The following SLC44A5 variants were observed in gnomAD, a reference collection of about 807,000 sequenced individuals.
SLC44A5 encodes the protein solute carrier family 44 member 5, also known as choline transporter-like protein 5.
Under a neutral mutation model 101.8 loss-of-function variants are expected in SLC44A5, and 57 were observed. The observed-to-expected ratio is 0.56, with a 90% CI of 0.45 to 0.70. The LOEUF (loss-of-function observed/expected upper bound fraction) is 0.70, where lower values mean the gene tolerates loss of function less well. Ranked by LOEUF, SLC44A5 falls within the 30% of genes least tolerant of loss-of-function variation. The pLI is 0.00. For synonymous variants in SLC44A5, 281 were observed against 290.9 expected (o/e 0.97, Z 0.35); for missense variants, 737 against 853.1 (o/e 0.86, Z 1.70).
At chr1:75,545,008 GC>G (rs1031408507) in intron 1 of SLC44A5, among the ~76,000 whole-genome samples, 7 of 151,528 alleles carry the variant, frequency 4.6e-5, no homozygotes, top group East Asian at 3.9e-4. Context: ...CCGTCCCCTA[GC>G]CCCCCACCCT....
the SLC44A5 span, among the ~76,000 whole-genome samples, chr1:75,689,199 G>A: frequency 6.6e-6 from 1 of 152,140 alleles, no homozygotes; most frequent in Non-Finnish European, 1.5e-5. Context: ...CTAGAAAATT[G>A]AGCCATATTC....
intron 2 of SLC44A5, among the ~76,000 whole-genome samples, chr1:75,472,358 C>T (rs533479938): frequency 1.3e-5 from 2 of 151,976 alleles, no homozygotes; most frequent in East Asian, 3.9e-4. Context: ...GATGTGGTAC[C>T]CATTCTGCAA....
intron 2 of SLC44A5, among the ~76,000 whole-genome samples, chr1:75,422,783 T>G (rs1664087241): frequency 6.6e-6 from 1 of 152,190 alleles, no homozygotes. Flanking sequence ...TGTGAATCTT[T>G]CCAGGAGGAC....
At chr1:75,390,882 T>C (rs989952706) in intron 3 of SLC44A5, among the ~76,000 whole-genome samples, 2 of 152,020 alleles carry the variant, frequency 1.3e-5, no homozygotes, top group Non-Finnish European at 2.9e-5. Flanking sequence ...CGGATCTAAA[T>C]AGGAAAAGAA....
chr1:75,234,991 A>G (rs1647943672), intron 11 of SLC44A5, among the ~76,000 whole-genome samples: 1 of 152,100 alleles, frequency 6.6e-6, no homozygotes, highest in Non-Finnish European at 1.5e-5. Flanking sequence ...AGCAACAGAC[A>G]GAGTGTAGTA....
chr1:75,647,508 G>A, the SLC44A5 span, among the ~76,000 whole-genome samples: 10 of 152,278 alleles, frequency 6.6e-5, no homozygotes, highest in South Asian at 1.9e-3. Context: ...CAAAATGGTA[G>A]ATCCACTGAC....
At chr1:75,716,002 A>G in the SLC44A5 span, among the ~76,000 whole-genome samples, 1 of 152,232 alleles carries the variant, frequency 6.6e-6, no homozygotes, top group Non-Finnish European at 1.5e-5. Flanking sequence ...TAAGCAAAAG[A>G]CATGAACAGA....
intron 6 of SLC44A5, among the ~76,000 whole-genome samples, chr1:75,252,781 G>A (rs1282413002): frequency 6.6e-6 from 1 of 152,176 alleles, no homozygotes; most frequent in Non-Finnish European, 1.5e-5. Context: ...GGCAGAAAGA[G>A]GGCAGCAGTA....
chr1:75,497,958 A>G (rs1338122799), intron 2 of SLC44A5, among the ~76,000 whole-genome samples: 1 of 152,104 alleles, frequency 6.6e-6, no homozygotes, highest in Admixed American at 6.6e-5. Flanking sequence ...TGTGTTTAAA[A>G]ATGCAAAACC....
At chr1:75,553,700 C>T (rs1193923045) in intron 1 of SLC44A5, among the ~76,000 whole-genome samples, 2 of 152,160 alleles carry the variant, frequency 1.3e-5, no homozygotes, top group African/African-American at 4.8e-5. Context: ...ACCTTAATAA[C>T]CTCTTAGAGA....
At chr1:75,338,768 C>T (rs1467205179) in intron 4 of SLC44A5, among the ~76,000 whole-genome samples, 3 of 152,058 alleles carry the variant, frequency 2.0e-5, no homozygotes, top group East Asian at 3.9e-4. Flanking sequence ...ATTACAGGGA[C>T]ATAACAGTAA....
intron 2 of SLC44A5, among the ~76,000 whole-genome samples, chr1:75,493,955 A>G (rs566130314): frequency 6.6e-6 from 1 of 152,318 alleles, no homozygotes; most frequent in African/African-American, 2.4e-5. Flanking sequence ...TGAGGTAAGC[A>G]ATCTCTAGTC....
chr1:75,476,413 G>T (rs1667404487), intron 2 of SLC44A5, among the ~76,000 whole-genome samples: 2 of 152,148 alleles, frequency 1.3e-5, no homozygotes, highest in South Asian at 4.1e-4. Flanking sequence ...GACAGTGGGT[G>T]CAGCGCACCG....
At chr1:75,460,371 T>G (rs975839540) in intron 2 of SLC44A5, among the ~76,000 whole-genome samples, 1 of 152,222 alleles carries the variant, frequency 6.6e-6, no homozygotes, top group African/African-American at 2.4e-5. Flanking sequence ...ACAATAAATA[T>G]TTCACAAAAT....
At chr1:75,473,767 T>G (rs1667236446) in intron 2 of SLC44A5, among the ~76,000 whole-genome samples, 1 of 152,198 alleles carries the variant, frequency 6.6e-6, no homozygotes, top group Non-Finnish European at 1.5e-5. Flanking sequence ...ATTTTATAAA[T>G]TCCCTTTCTT....
At chr1:75,439,689 T>C (rs569622204) in intron 2 of SLC44A5, among the ~76,000 whole-genome samples, 41 of 152,200 alleles carry the variant, frequency 2.7e-4, no homozygotes, top group South Asian at 1.9e-3. Context: ...ATTAAAGTGA[T>C]ATAAAAGAAA....
rs1409955903 is a variant in SLC44A5, at chr1:75,472,962, A to C, written c.13+68473T>G. On this transcript the variant is annotated intron_variant, in intron 2 of 23. Coordinates refer to ENST00000370859, the MANE Select transcript of SLC44A5 (RefSeq NM_001130058.2). Reference sequence around the variant, plus strand: ...AAAGACTTCTGTGTGATGAATTGTCATCTCCCTCAACCTCAAAGGTAACTG... The same window carrying C: ...AAAGACTTCTGTGTGATGAATTGTCCTCTCCCTCAACCTCAAAGGTAACTG... 2.0e-5 allele frequency among the ~76,000 whole-genome samples: 3 copies of C among 152,260 alleles called. No individual in the cohort carries two copies. The East Asian group carries it at 5.8e-4, about 29-fold the overall frequency.
chr1:75,677,055 G>A, the SLC44A5 span, among the ~76,000 whole-genome samples: 1 of 152,088 alleles, frequency 6.6e-6, no homozygotes, highest in African/African-American at 2.4e-5. Context: ...ATAAACATAA[G>A]CTGAGGGATT....
At chr1:75,608,206 A>C (rs960785904) in intron 1 of SLC44A5, among the ~76,000 whole-genome samples, 1 of 151,924 alleles carries the variant, frequency 6.6e-6, no homozygotes, top group Non-Finnish European at 1.5e-5. Flanking sequence ...AAAAAACAAA[A>C]AAAAACAAAT....
Sources: gnomAD v4.1 joint callset for allele counts (sites outside exome capture counted in the v4.1 genomes callset) on GRCh38, gnomAD v4.1.1 for gene constraint, MANE v1.5 for transcripts, NCBI Gene and HGNC (gene_info 2026-07-23, HGNC 2026-07-21) for gene names.